SLC6A15: variants seen among roughly 807,000 people sequenced by gnomAD.
SLC6A15 encodes solute carrier family 6 member 15.
SLC6A15 carries 33 observed loss-of-function variants against 68.5 expected under a neutral mutation model. The observed-to-expected ratio is 0.48, with a 90% CI of 0.37 to 0.64. The LOEUF is 0.64. Ranked by LOEUF, SLC6A15 falls within the 30% of genes least tolerant of loss-of-function variation. SLC6A15 has a pLI of 0.00. For missense variants in SLC6A15, 747 were observed against 874.3 expected (o/e 0.85, Z 1.84); for synonymous variants, 347 against 301.0 (o/e 1.15, Z -1.58).
chr12:84,889,177 A>G (rs528267744), intron 2 of SLC6A15, among the ~76,000 whole-genome samples: 13 of 152,146 alleles, frequency 8.5e-5, no homozygotes, highest in Non-Finnish European at 1.9e-4. Flanking sequence ...ATGGCTGCCT[A>G]TACTTCAGGT....
intron 8 of SLC6A15, among the ~76,000 whole-genome samples, chr12:84,872,112 G>C (rs890311132): frequency 6.7e-6 from 1 of 149,662 alleles, no homozygotes; most frequent in Non-Finnish European, 1.5e-5. Flanking sequence ...AGCCAAGATC[G>C]CACCACTGCA....
intron 1 of SLC6A15, among the ~76,000 whole-genome samples, chr12:84,894,002 C>T (rs1323470512): frequency 6.6e-6 from 1 of 152,094 alleles, no homozygotes; most frequent in Non-Finnish European, 1.5e-5. Context: ...TACACTTGAT[C>T]TTAGCAAAAA....
rs1047300477 is a variant in SLC6A15, at chr12:84,888,600, A to G, written c.290-2532T>C. 5.3e-5 allele frequency among the ~76,000 whole-genome samples: 8 copies of G among 152,176 alleles called. No individual in the cohort carries two copies. The East Asian group carries it at 1.5e-3, about 29-fold the overall frequency. ...CATACAGTATGATGTAATGCACTTTAGAGATTCAGAAGGGGAAAATTGGGA... is the reference window on the plus strand; with the variant it reads ...CATACAGTATGATGTAATGCACTTTGGAGATTCAGAAGGGGAAAATTGGGA... On this transcript the variant is annotated intron_variant, in intron 2 of 11. Coordinates refer to ENST00000266682, the MANE Select transcript of SLC6A15 (RefSeq NM_182767.6).
Position 84,863,451 on chromosome 12 carries a change from C to T in SLC6A15, c.1806G>A (p.Trp602Ter). The change falls in exon 11 of 12, where the codon TGG becomes TGA. Residue 602 changes from tryptophan (W) to a stop codon, truncating the protein, a stop_gained. Transcript: ENST00000266682. LOFTEE classifies it high-confidence loss of function. ...ATTTTGTATTTACCTTATCTTCAAT[C>T]CATGCGTTATAGCCAGGAGGACTTA... ...MGLSPPGYNA[W>*]IEDKASEEFL... The T allele has an allele frequency of 6.4e-7, 1 of 1,569,104 alleles. No individual in the cohort carries two copies. Among genetic ancestry groups the T allele is most frequent in the Non-Finnish European group, 8.6e-7 (1 of 1,164,934 alleles).
At chr12:84,900,397 T>A (rs1192448777) in intron 1 of SLC6A15, among the ~76,000 whole-genome samples, 1 of 152,030 alleles carries the variant, frequency 6.6e-6, no homozygotes, top group African/African-American at 2.4e-5. Flanking sequence ...ATGTCATCAG[T>A]CAATAATGAT....
intron 5 of SLC6A15, 79 bp from the exon 6 acceptor site, chr12:84,876,686 G>A: frequency 4.9e-6 from 3 of 613,076 alleles, no homozygotes; most frequent in Non-Finnish European, 8.2e-6. Context: ...GTTAGTTTCT[G>A]TACTTTGACA....
In SLC6A15 at chr12:84,871,277, T is replaced by C. The variant is rs1423312639; in HGVS notation, c.1303-607A>G. Among the ~76,000 whole-genome samples the C allele has an allele frequency of 2.6e-5, 4 of 151,332 alleles. 1 individual carries two copies. The South Asian group carries it at 6.2e-4, about 24-fold the overall frequency. On this transcript the variant is annotated intron_variant, in intron 8 of 11. Transcript: ENST00000266682. Reference sequence around the variant, plus strand: ...AATTTAAAAAACCTACATCTTTACCTTTTTTTACTTCTGATATTCCTACCT... The same window carrying C: ...AATTTAAAAAACCTACATCTTTACCCTTTTTTACTTCTGATATTCCTACCT...
chr12:84,910,953 G>GTGTGTGTGTGTGTGTCTT (rs1565736544), intron 1 of SLC6A15, among the ~76,000 whole-genome samples: 182 of 144,842 alleles, frequency 1.3e-3, no homozygotes, highest in African/African-American at 4.7e-3. Flanking sequence ...GTGTGTGTGT[G>GTGTGTGTGTGTGTGTCTT]TCTTTAACCC....
In SLC6A15 at chr12:84,873,278, C is replaced by T. The variant is rs1388167797; in HGVS notation, c.918G>A (p.Val306=). 1.2e-6 allele frequency: 2 copies of T among 1,614,108 alleles called. No individual in the cohort carries two copies. Among genetic ancestry groups the T allele is most frequent in the Non-Finnish European group, 8.5e-7 (1 of 1,180,000 alleles). Residue 306 remains valine, a synonymous_variant, in exon 7 of 12, where the codon GTG becomes GTA. Transcript: ENST00000266682. ...PKVWREAATQ[V]FFALGLGFGG... ...CAAATCCCAGACCTAAGGCAAAGAA[C>T]ACTTGAGTAGCAGCTTCTCTCCAGA...
At chr12:84,911,436 A>C (rs948267912) in intron 1 of SLC6A15, among the ~76,000 whole-genome samples, 1 of 152,170 alleles carries the variant, frequency 6.6e-6, no homozygotes, top group Non-Finnish European at 1.5e-5. Flanking sequence ...ACTGCGCCGG[A>C]GTCCGGACCC....
rs535126071 is a variant in SLC6A15 at position 84,881,996 on chromosome 12, T to C, written c.756+1863A>G. The C allele has an allele frequency of 6.7e-5, 66 of 979,176 alleles. No individual in the cohort carries two copies. The East Asian group carries it at 3.2e-3, about 47-fold the overall frequency. The allele number at this position is 979,176 out of a possible 1,614,324, so 60.7% of individuals were successfully genotyped here. A position where few individuals can be genotyped will look rare whatever the true frequency, so the allele number is the denominator to read the frequency against. On this transcript the variant is annotated intron_variant, in intron 5 of 11. Transcript: ENST00000266682. Reference sequence around the variant, plus strand: ...CATTCTCATTAAAATAATAAATGTATGTACTAAATAAATTGTATTACATTT... The same window carrying C: ...CATTCTCATTAAAATAATAAATGTACGTACTAAATAAATTGTATTACATTT...
Position 84,912,589 on chromosome 12 carries a change from GA to G in SLC6A15, c.-256del. The G allele has an allele frequency of 6.5e-6, 1 of 152,674 alleles. No homozygotes were observed. The highest frequency in any genetic ancestry group is 1.5e-5 in the Non-Finnish European group (1 of 68,394). 9.5% of individuals were successfully genotyped at this position (152,674 alleles called of 1,614,324 possible). ...TCCGGGCAGCAGCAGCAGCAGTCGC[GA>G]AAGGGTAGGGTCCAGGTGGCTGTGA... is the stretch of plus-strand genomic sequence containing the variant. On this transcript the variant is annotated 5_prime_UTR_variant, in exon 1 of 12. Coordinates refer to ENST00000266682, the MANE Select transcript of SLC6A15 (RefSeq NM_182767.6).
At chr12:84,912,502 A>G (rs1385726148) in intron 1 of SLC6A15, 21 bp downstream of exon 1, 1 of 152,336 alleles carries the variant, frequency 6.6e-6, no homozygotes, top group East Asian at 1.9e-4. Context: ...TTGTGCCCTT[A>G]GCGTAGGCGC....
Position 84,870,644 on chromosome 12 carries a change from A to G in SLC6A15, c.1329T>C (p.Phe443=), listed in dbSNP as rs1174040960. ...NKAVQGTGLA[F]IAFTEAMTHF... ...GTGTCATCGCTTCTGTAAAGGCAAT[A>G]AAAGCTAAGCCGGTCCCCTGAACAG... The change falls in exon 9 of 12, where the codon TTT becomes TTC. Residue 443 remains phenylalanine (F), a synonymous_variant. Transcript: ENST00000266682. 6.2e-7 allele frequency: 1 copy of G among 1,611,930 alleles called. No individual in the cohort carries two copies. Among genetic ancestry groups the G allele is most frequent in the Non-Finnish European group, 8.5e-7 (1 of 1,178,924 alleles).
In SLC6A15 at chr12:84,912,744, A is replaced by C. The variant is rs1873545502; in HGVS notation, c.-410T>G. On this transcript the variant is annotated 5_prime_UTR_variant, in exon 1 of 12. Transcript: ENST00000266682. ...ACTCGTGAGCGCCTGTGTGTCTGCCAGGGAAACAGCACGGGATACAGGCGC... is the reference window on the plus strand; with the variant it reads ...ACTCGTGAGCGCCTGTGTGTCTGCCCGGGAAACAGCACGGGATACAGGCGC... 6.5e-6 allele frequency: 1 copy of C among 153,146 alleles called. No individual in the cohort carries two copies. Among genetic ancestry groups the C allele is most frequent in the East Asian group, 1.9e-4 (1 of 5,190 alleles). 9.5% of individuals were successfully genotyped at this position (153,146 alleles called of 1,614,324 possible). A position where few individuals can be genotyped will look rare whatever the true frequency, so the allele number is the denominator to read the frequency against.
intron 9 of SLC6A15, among the ~76,000 whole-genome samples, chr12:84,869,641 A>G (rs1366509364): frequency 6.6e-6 from 1 of 151,958 alleles, no homozygotes; most frequent in African/African-American, 2.4e-5. Context: ...ATGTATGTTT[A>G]CTAGCTATCC....
chr12:84,873,427 T>G, intron 6 of SLC6A15, 99 bp from the exon 7 acceptor site: 1 of 1,323,294 alleles, frequency 7.6e-7, no homozygotes, highest in South Asian at 1.5e-5. Flanking sequence ...CAATGATATT[T>G]ATGCATCCAA....
In SLC6A15 at chr12:84,887,782, G is replaced by C. The variant is rs79185986; in HGVS notation, c.290-1714C>G. ...TTTTCCAGTCATGTGTGGGTGACAT[G>C]CTGTTGGATACTTAGACTTTTCTTC... On this transcript the variant is annotated intron_variant, in intron 2 of 11. Coordinates refer to ENST00000266682, the MANE Select transcript of SLC6A15 (RefSeq NM_182767.6). Among the ~76,000 whole-genome samples the C allele has an allele frequency of 2.9e-3, 448 of 152,218 alleles. 2 individuals carry two copies. The highest frequency in any genetic ancestry group is 0.01 in the African/African-American group (434 of 41,548).
intron 1 of SLC6A15, among the ~76,000 whole-genome samples, chr12:84,905,821 C>A (rs974357234): frequency 5.9e-5 from 9 of 152,136 alleles, no homozygotes; most frequent in African/African-American, 1.9e-4. Flanking sequence ...TCACATAAAT[C>A]AAGAAAGAAG....
Sources: allele counts gnomAD v4.1 joint callset (sites outside exome capture counted in the v4.1 genomes callset), GRCh38; gene constraint gnomAD v4.1.1; transcripts MANE v1.5; gene names NCBI Gene and HGNC (gene_info 2026-07-23, HGNC 2026-07-21).